The following MAP3K15 variants were observed in gnomAD, a reference collection of about 807,000 sequenced individuals.
MAP3K15 encodes the protein mitogen-activated protein kinase kinase kinase 15.
Under a neutral mutation model 99.5 loss-of-function variants are expected in MAP3K15, and 124 were observed. That is an observed-to-expected ratio of 1.25 (90% CI 1.08 to 1.45). The LOEUF (loss-of-function observed/expected upper bound fraction) is 1.45. MAP3K15 is among the 40% of genes most tolerant of loss of function. The pLI is 0.00. For synonymous variants in MAP3K15, 494 were observed against 439.6 expected, an observed-to-expected ratio of 1.12 and a Z score of -1.55; for missense variants, 1,242 against 1,079.7, an observed-to-expected ratio of 1.15 and a Z score of -2.11.
rs188181912 is a variant in MAP3K15 at position 19,407,071 on chromosome X, G to T, written c.1844+117C>A. ...AGAAATTTTAGAGCTTTTTTGAGAT[G>T]TAAGTTAACATTTCAAGAAAGACAG... On this transcript the variant is annotated intron_variant, in intron 13 of 28. Coordinates refer to ENST00000338883, the MANE Select transcript of MAP3K15 (RefSeq NM_001001671.4). The T allele has an allele frequency of 6.0e-4, 261 of 436,369 alleles. No individual in the cohort carries two copies. In the African/African-American group the frequency reaches 6.2e-3, roughly 10 times the overall value. 36.0% of individuals were successfully genotyped at this position (436,369 alleles called of 1,213,427 possible).
chrX:19,403,842 T>C (rs929888024), intron 13 of MAP3K15, among the ~76,000 whole-genome samples: 1 of 111,103 alleles, frequency 9.0e-6, no homozygotes, highest in Non-Finnish European at 1.9e-5. Context: ...AATTACATGA[T>C]ACAAATGAAC....
intron 17 of MAP3K15, 29 bp downstream of exon 17, chrX:19,392,314 C>G: frequency 1.7e-6 from 2 of 1,195,239 alleles, no homozygotes; most frequent in South Asian, 1.9e-5. Context: ...CGAGCAAAGG[C>G]AACCTCGTCA....
At chrX:19,412,841 C>T (rs1420584629) in intron 11 of MAP3K15, among the ~76,000 whole-genome samples, 2 of 110,407 alleles carry the variant, frequency 1.8e-5, no homozygotes, top group Admixed American at 1.9e-4. Context: ...TTCAAGCGAT[C>T]CTCCCACTTC....
rs139752819 is a variant in MAP3K15, at chrX:19,438,990, G to C, written c.996-7382C>G. 2.3e-4 allele frequency among the ~76,000 whole-genome samples: 26 copies of C among 112,066 alleles called. No homozygotes were observed. The East Asian group carries it at 5.1e-3, about 22-fold the overall frequency. On this transcript the variant is annotated intron_variant, in intron 6 of 28. Transcript: ENST00000338883. ...AGACGGGCAGATCACTTGAGGTCAG[G>C]AGTTTGAGACCAGTCTGGCCAACAT...
intron 1 of MAP3K15, 27 bp downstream of exon 1, chrX:19,514,863 GTGAACTGGGAC>G (rs1296789409): frequency 1.1e-6 from 1 of 943,462 alleles, no homozygotes; most frequent in Admixed American, 3.1e-5. Flanking sequence ...GTGAGGGTAG[GTGAACTGGGAC>G]TGAGGTGGGG....
intron 6 of MAP3K15, among the ~76,000 whole-genome samples, chrX:19,442,334 T>C (rs2063964809): frequency 9.0e-6 from 1 of 111,339 alleles, no homozygotes; most frequent in East Asian, 2.8e-4. Flanking sequence ...ATACAATGAG[T>C]ATGTCTGACT....
At chrX:19,445,735 T>C (rs1025546309) in intron 6 of MAP3K15, among the ~76,000 whole-genome samples, 104 of 108,392 alleles carry the variant, frequency 9.6e-4, no homozygotes, top group Non-Finnish European at 1.8e-3. Context: ...CCTCATGAGG[T>C]CAGGAGTTCG....
chrX:19,461,032 T>C (rs79691133), intron 4 of MAP3K15, among the ~76,000 whole-genome samples: 1 of 110,163 alleles, frequency 9.1e-6, no homozygotes, highest in African/African-American at 3.3e-5. Flanking sequence ...CAGGCTGGAG[T>C]GCAGTGGCAC....
At position 19,366,812 on chromosome X, in the gene MAP3K15, G is replaced by A. The variant is rs757759025; in HGVS notation, c.3566+2242C>T. Among the ~76,000 whole-genome samples the A allele has an allele frequency of 1.7e-4, 19 of 112,109 alleles. No homozygotes were observed. In the South Asian group the frequency reaches 6.0e-3, roughly 35 times the overall value. On this transcript the variant is annotated intron_variant, in intron 25 of 28. Coordinates refer to ENST00000338883, the MANE Select transcript of MAP3K15 (RefSeq NM_001001671.4). The stretch of plus-strand genomic sequence containing the variant: ...CCTTATGCAGGAATGTACAGTTTAC[G>A]TCAATGCCATTCACAGACTGGCTGC...
intron 16 of MAP3K15, among the ~76,000 whole-genome samples, chrX:19,392,842 C>G (rs777307898): frequency 1.1e-4 from 12 of 111,087 alleles, no homozygotes; most frequent in Admixed American, 3.8e-4. Context: ...TCCCATGACA[C>G]TTGTTTACAG....
In MAP3K15 at chrX:19,469,066, T is replaced by C. The variant is rs982865082; in HGVS notation, c.526-4660A>G. Among the ~76,000 whole-genome samples, 73 of 111,301 alleles carry C rather than the reference T, an allele frequency of 6.6e-4. 1 individual carries two copies. The highest frequency in any genetic ancestry group is 1.2e-3 in the Non-Finnish European group (65 of 53,132). ...CAATCATGTCATCTGCAAACAGGGA[T>C]AATTTGACTTCCTTTTTTCCTAATT... On this transcript the variant is annotated intron_variant, in intron 3 of 28. Transcript: ENST00000338883.
chrX:19,437,373 G>C (rs753473214), intron 6 of MAP3K15, among the ~76,000 whole-genome samples: 113 of 111,438 alleles, frequency 1.0e-3, no homozygotes, highest in African/African-American at 3.6e-3. Context: ...GGCCTGTAAG[G>C]ATCTACAAGA....
rs1295960834 is a variant in MAP3K15, at chrX:19,380,190, G to A, written c.2519C>T (p.Thr840Ile). ...APADIWSLGCTIIEMATSKPP... is the reference protein window; with the variant it reads ...APADIWSLGCIIIEMATSKPP... ...CTTGCTGGTGGCCATCTCAATGATG[G>A]TGCAGCCCAGGGACCAGATATCGGC... The change falls in exon 19 of 29, where the codon ACC (threonine) becomes ATC (isoleucine). Residue 840 changes from threonine to isoleucine, a missense_variant. By Grantham distance (89) the Thr-to-Ile change is moderately conservative. Coordinates refer to ENST00000338883, the MANE Select transcript of MAP3K15 (RefSeq NM_001001671.4). The A allele has an allele frequency of 1.7e-6, 2 of 1,206,244 alleles. No individual in the cohort carries two copies. Among genetic ancestry groups the A allele is most frequent in the Non-Finnish European group, 2.2e-6 (2 of 893,096 alleles).
At position 19,431,427 on chromosome X, in the gene MAP3K15, T is replaced by C. The variant is rs763184799; in HGVS notation, c.1166+11A>G. ...AGATGCAAGTGCTCATAACTCGGGC[T>C]GAGGGTTTACCACTCAATGGCGCTG... On this transcript the variant is annotated intron_variant, in intron 7 of 28. Coordinates refer to ENST00000338883, the MANE Select transcript of MAP3K15 (RefSeq NM_001001671.4). The C allele has an allele frequency of 8.3e-7, 1 of 1,198,309 alleles. No individual in the cohort carries two copies.
Position 19,372,757 on chromosome X carries a change from G to C in MAP3K15, c.3004C>G (p.Leu1002Val), listed in dbSNP as rs1255881328. 5 of 1,209,781 alleles carry C rather than the reference G, an allele frequency of 4.1e-6. No homozygotes were observed. In the African/African-American group the frequency reaches 7.0e-5, roughly 17 times the overall value. ...TCACTGTCCTTGCGTAGCAGGAAGA[G>C]GCCCTGGTCCCTGTCCTCCGGGGAC... is the stretch of plus-strand genomic sequence containing the variant. ...ASSPEDRDQG[L>V]FLLRKDSERR... is the part of the protein sequence containing the mutation. The change falls in exon 22 of 29, where the codon CTC (leucine) becomes GTC (valine). Residue 1002 changes from leucine to valine, a missense_variant. Physicochemically the swap from Leu to Val is conservative, Grantham distance 32. Transcript: ENST00000338883.
At chrX:19,514,212 G>A (rs1410284316) in intron 1 of MAP3K15, among the ~76,000 whole-genome samples, 3 of 109,480 alleles carry the variant, frequency 2.7e-5, no homozygotes. Context: ...TTATGTCATT[G>A]GTCTGGGGTC....
At chrX:19,497,937 GC>G (rs1482744544) in intron 1 of MAP3K15, among the ~76,000 whole-genome samples, 1 of 111,403 alleles carries the variant, frequency 9.0e-6, no homozygotes, top group Non-Finnish European at 1.9e-5. Context: ...CTTACAACCT[GC>G]AGGCATATAA....
intron 6 of MAP3K15, among the ~76,000 whole-genome samples, chrX:19,451,447 T>TAA (rs756200802): frequency 1.1e-4 from 10 of 93,003 alleles, no homozygotes; most frequent in Admixed American, 4.7e-4. Context: ...TATATATATA[T>TAA]AAAAAAAAAA....
intron 3 of MAP3K15, among the ~76,000 whole-genome samples, chrX:19,469,170 C>A (rs2064189582): frequency 9.0e-6 from 1 of 111,409 alleles, no homozygotes; most frequent in South Asian, 3.8e-4. Flanking sequence ...CTACGGTAAC[C>A]AAAACAGCAT....
Sources: gnomAD v4.1 joint callset for allele counts (sites outside exome capture counted in the v4.1 genomes callset) on GRCh38, gnomAD v4.1.1 for gene constraint, MANE v1.5 for transcripts, NCBI Gene and HGNC (gene_info 2026-07-23, HGNC 2026-07-21) for gene names.